CERS6: variants seen among roughly 807,000 people sequenced by gnomAD.
CERS6 encodes the protein LAG1 homolog, ceramide synthase 6.
A neutral mutation model predicts 56.8 loss-of-function variants in CERS6; 26 were observed. That is an observed-to-expected ratio of 0.46 (90% CI 0.34 to 0.63). The LOEUF (loss-of-function observed/expected upper bound fraction) is 0.63, where lower values mean the gene tolerates loss of function less well. Among genes scored for constraint, CERS6 ranks in the 30% least tolerant of loss-of-function variants. CERS6 has a pLI of 0.01. For synonymous variants in CERS6, 164 were observed against 173.3 expected, an observed-to-expected ratio of 0.95 and a Z score of 0.42; for missense variants, 415 against 467.5, an observed-to-expected ratio of 0.89 and a Z score of 1.04.
intron 4 of CERS6, among the ~76,000 whole-genome samples, chr2:168,682,676 T>C (rs1189318618): frequency 6.6e-6 from 1 of 152,092 alleles, no homozygotes; most frequent in Non-Finnish European, 1.5e-5. Context: ...ACTACAACTC[T>C]CACAATGGGG....
chr2:168,561,149 G>T, intron 2 of CERS6, 43 bp from the exon 3 acceptor site: 1 of 1,608,282 alleles, frequency 6.2e-7, no homozygotes, highest in Non-Finnish European at 8.5e-7. Flanking sequence ...TAGTGAAAAT[G>T]AAAATGGATT....
intron 1 of CERS6, among the ~76,000 whole-genome samples, chr2:168,464,526 AG>A (rs1358493105): frequency 6.6e-6 from 1 of 152,084 alleles, no homozygotes; most frequent in East Asian, 1.9e-4. Flanking sequence ...ATCATCAGGA[AG>A]GGAGCTTCTC....
Position 168,715,063 on chromosome 2 carries a change from C to T in CERS6, c.672C>T (p.Val224=). The T allele has an allele frequency of 1.2e-6, 2 of 1,612,306 alleles. No homozygotes were observed. The highest frequency in any genetic ancestry group is 1.7e-6 in the Non-Finnish European group (2 of 1,179,030). The part of the protein sequence containing the change: ...VSIFLITFSY[V]NNMARVGTLV... ...TTTTCTTGATTACCTTTTCATATGT[C>T]AACAATATGGCCCGAGTAGGAACGC... The change falls in exon 7 of 10, where the codon GTC becomes GTT. Residue 224 remains valine, a synonymous_variant. Coordinates refer to ENST00000305747, the MANE Select transcript of CERS6 (RefSeq NM_203463.3).
chr2:168,607,983 C>G (rs1365508571), intron 3 of CERS6, among the ~76,000 whole-genome samples: 1 of 152,184 alleles, frequency 6.6e-6, no homozygotes, highest in African/African-American at 2.4e-5. Flanking sequence ...GAGAGAACCT[C>G]AGTTGTGAGC....
At chr2:168,738,883 G>GTTTT (rs1211106840) in intron 8 of CERS6, among the ~76,000 whole-genome samples, 1 of 151,670 alleles carries the variant, frequency 6.6e-6, no homozygotes, top group Non-Finnish European at 1.5e-5. Flanking sequence ...TTGTTTGTTT[G>GTTTT]TTTGTTTTGG....
intron 4 of CERS6, among the ~76,000 whole-genome samples, chr2:168,668,512 T>C (rs1322285062): frequency 6.7e-6 from 1 of 148,266 alleles, no homozygotes; most frequent in Non-Finnish European, 1.5e-5. Context: ...AGTGGCATAA[T>C]CTGTACTCAC....
rs1201760970 is a variant in CERS6, at chr2:168,595,972, G to C, written c.407+34650G>C. On this transcript the variant is annotated intron_variant, in intron 3 of 9. Coordinates refer to ENST00000305747, the MANE Select transcript of CERS6 (RefSeq NM_203463.3). ...GACGTTAAAAATTATTATTAGGCCA[G>C]GCGTGGTGGCTCACGCCTGTAATTC... is the stretch of plus-strand genomic sequence containing the variant. Among the ~76,000 whole-genome samples the C allele has an allele frequency of 1.3e-5, 2 of 151,906 alleles. 1 individual carries two copies. Among genetic ancestry groups the C allele is most frequent in the Non-Finnish European group, 2.9e-5 (2 of 67,974 alleles).
chr2:168,685,012 T>C (rs1376775045), intron 4 of CERS6, among the ~76,000 whole-genome samples: 1 of 151,532 alleles, frequency 6.6e-6, no homozygotes, highest in Non-Finnish European at 1.5e-5. Flanking sequence ...GTGAAAGTAG[T>C]GTCAAAGTAG....
intron 3 of CERS6, among the ~76,000 whole-genome samples, chr2:168,601,703 C>G (rs1242633855): frequency 6.6e-6 from 1 of 152,048 alleles, no homozygotes; most frequent in Non-Finnish European, 1.5e-5. Context: ...GCGTGTGCCA[C>G]CATGCCTGGC....
rs1684840206 is a variant in CERS6 at position 168,770,621 on chromosome 2, A to G, written c.*959A>G. On this transcript the variant is annotated 3_prime_UTR_variant, in exon 10 of 10. Coordinates refer to ENST00000305747, the MANE Select transcript of CERS6 (RefSeq NM_203463.3). ...AAGAAGTTAACTATATTTGGGGACA[A>G]AAAAATATTTCAAGAGTTGATAAAG... 6.6e-6 allele frequency: 1 copy of G among 152,638 alleles called. No individual in the cohort carries two copies. The highest frequency in any genetic ancestry group is 2.1e-4 in the South Asian group (1 of 4,824). The allele number at this position is 152,638 out of a possible 1,614,324, so 9.5% of individuals were successfully genotyped here.
At chr2:168,752,240 G>A (rs1684290111) in intron 8 of CERS6, among the ~76,000 whole-genome samples, 1 of 150,918 alleles carries the variant, frequency 6.6e-6, no homozygotes, top group African/African-American at 2.4e-5. Flanking sequence ...GGAGTCTGAG[G>A]CCCACCTTGG....
chr2:168,740,182 A>G (rs1210345177), intron 8 of CERS6, among the ~76,000 whole-genome samples: 1 of 152,210 alleles, frequency 6.6e-6, no homozygotes, highest in Non-Finnish European at 1.5e-5. Flanking sequence ...CATTAGATAC[A>G]TGTTATTTAA....
chr2:168,631,867 T>A (rs1684754099), intron 4 of CERS6, among the ~76,000 whole-genome samples: 1 of 130,364 alleles, frequency 7.7e-6, no homozygotes, highest in Admixed American at 9.2e-5. Flanking sequence ...ATTATACATT[T>A]ATTATGTGTT....
chr2:168,615,028 G>T (rs1029003481), intron 3 of CERS6, among the ~76,000 whole-genome samples: 4 of 152,192 alleles, frequency 2.6e-5, no homozygotes, highest in East Asian at 1.9e-4. Flanking sequence ...TCTGCAGATG[G>T]TTCACATCAC....
At chr2:168,738,606 G>A (rs1018273114) in intron 8 of CERS6, among the ~76,000 whole-genome samples, 2 of 152,172 alleles carry the variant, frequency 1.3e-5, no homozygotes. Flanking sequence ...AGACTTCTAA[G>A]TAAGCATAAA....
chr2:168,768,919 AAAAG>A (rs1302379167), intron 9 of CERS6, among the ~76,000 whole-genome samples: 3 of 150,704 alleles, frequency 2.0e-5, no homozygotes, highest in East Asian at 1.9e-4. Flanking sequence ...AAAAAAAAAA[AAAAG>A]AAAAGAAAAA....
At chr2:168,461,508 CAT>C (rs906565234) in intron 1 of CERS6, among the ~76,000 whole-genome samples, 27 of 149,624 alleles carry the variant, frequency 1.8e-4, no homozygotes, top group Admixed American at 2.7e-4. Context: ...AATAGCTTCT[CAT>C]AGTTTCTGAA....
chr2:168,724,106 TC>T (rs1270270293), intron 8 of CERS6, among the ~76,000 whole-genome samples: 10 of 151,824 alleles, frequency 6.6e-5, no homozygotes, highest in South Asian at 2.1e-4. Flanking sequence ...GCATCTGGAG[TC>T]TGTCCCTTCT....
intron 6 of CERS6, among the ~76,000 whole-genome samples, chr2:168,712,467 G>A (rs6433087): frequency 0.94 from 142,610 of 152,268 alleles, 66,973 homozygotes; most frequent in Non-Finnish European, 0.98. Context: ...ACCTTTTCCA[G>A]TATGATAGAT....
Sources: allele counts gnomAD v4.1 joint callset (sites outside exome capture counted in the v4.1 genomes callset), GRCh38; gene constraint gnomAD v4.1.1; transcripts MANE v1.5; gene names NCBI Gene and HGNC (gene_info 2026-07-23, HGNC 2026-07-21).